Variants in ALPK2 observed in about 807,000 individuals in gnomAD.
ALPK2 encodes alpha-protein kinase 2.
A neutral mutation model predicts 163.1 loss-of-function variants in ALPK2; 127 were observed. The observed-to-expected ratio is 0.78, with a 90% CI of 0.67 to 0.90. ALPK2 has a LOEUF of 0.90. Ranked by LOEUF, ALPK2 falls within the 40% of genes least tolerant of loss-of-function variation. The pLI is 0.00. For missense variants in ALPK2, 2,360 were observed against 2,589.6 expected (o/e 0.91, Z 1.92); for synonymous variants, 953 against 959.1 (o/e 0.99, Z 0.12).
chr18:58,498,266 G>C (rs926824291), intron 11 of ALPK2, among the ~76,000 whole-genome samples, 169 bp from the exon 12 acceptor site: 1 of 152,172 alleles, frequency 6.6e-6, no homozygotes, highest in African/African-American at 2.4e-5. Context: ...CAGGGACCAT[G>C]GGGAAGGTGG....
intron 4 of ALPK2, among the ~76,000 whole-genome samples, chr18:58,559,572 C>T (rs920548184): frequency 6.6e-6 from 1 of 152,146 alleles, no homozygotes; most frequent in Non-Finnish European, 1.5e-5. Context: ...TTGGAAACTT[C>T]CTAAGAAGAA....
Position 58,515,032 on chromosome 18 carries a change from G to T in ALPK2, c.5990C>A (p.Ala1997Asp). Reference sequence around the variant, plus strand: ...AAAGCCTTCCAGAGGCTGTGCTTCAGCAGCGTAGATCTTGGCATAATACCT... The same window carrying T: ...AAAGCCTTCCAGAGGCTGTGCTTCATCAGCGTAGATCTTGGCATAATACCT... Reference protein sequence around the residue: ...TARYYAKIYAAEAQPLEGFGE... With the variant: ...TARYYAKIYADEAQPLEGFGE... The change falls in exon 10 of 13, where the codon GCT becomes GAT. Residue 1997 changes from alanine (A) to aspartate (D), a missense_variant. Coordinates refer to ENST00000361673, the MANE Select transcript of ALPK2 (RefSeq NM_052947.4). 1.2e-5 allele frequency: 19 copies of T among 1,612,980 alleles called. No individual in the cohort carries two copies. Among genetic ancestry groups the T allele is most frequent in the Non-Finnish European group, 1.6e-5 (19 of 1,179,408 alleles).
chr18:58,613,896 CT>C (rs1039082665), intron 1 of ALPK2, among the ~76,000 whole-genome samples: 2 of 152,104 alleles, frequency 1.3e-5, no homozygotes, highest in African/African-American at 4.8e-5. Flanking sequence ...ACTCCTGCTG[CT>C]TTGGAAGTTC....
intron 8 of ALPK2, among the ~76,000 whole-genome samples, chr18:58,517,767 A>G (rs565318318): frequency 5.3e-5 from 8 of 152,208 alleles, no homozygotes; most frequent in Admixed American, 1.3e-4. Flanking sequence ...CTTGGTAGCA[A>G]TACTGCCTCC....
intron 12 of ALPK2, among the ~76,000 whole-genome samples, chr18:58,483,152 C>T (rs577515759): frequency 6.6e-6 from 1 of 152,318 alleles, no homozygotes; most frequent in African/African-American, 2.4e-5. Flanking sequence ...CGCAGATGAG[C>T]TCCTTTGTCA....
At chr18:58,627,865 T>C (rs943861816) in intron 1 of ALPK2, among the ~76,000 whole-genome samples, 7 of 152,194 alleles carry the variant, frequency 4.6e-5, no homozygotes, top group Non-Finnish European at 7.3e-5. Flanking sequence ...TTAGTTGATA[T>C]AGAGTTATAA....
chr18:58,573,678 G>A (rs956372900), intron 4 of ALPK2, among the ~76,000 whole-genome samples: 3 of 148,004 alleles, frequency 2.0e-5, no homozygotes, highest in African/African-American at 7.6e-5. Flanking sequence ...CAGAGAGGGG[G>A]ATGTGGCAGG....
intron 4 of ALPK2, among the ~76,000 whole-genome samples, chr18:58,576,606 G>A (rs2051923210): frequency 6.6e-6 from 1 of 152,192 alleles, no homozygotes; most frequent in Non-Finnish European, 1.5e-5. Flanking sequence ...TCATATCTGT[G>A]ATGATAGTTA....
intron 5 of ALPK2, among the ~76,000 whole-genome samples, chr18:58,533,926 A>T (rs1310534135): frequency 6.6e-6 from 1 of 152,210 alleles, no homozygotes; most frequent in Non-Finnish European, 1.5e-5. Context: ...TCAGGTTAAG[A>T]GAGGAGAAAA....
At chr18:58,490,208 C>T (rs10782062) in intron 12 of ALPK2, among the ~76,000 whole-genome samples, 23,861 of 152,146 alleles carry the variant, frequency 0.16, 2,012 homozygotes, top group East Asian at 0.38. Context: ...CTTTTGAGGG[C>T]GGGGACGTGG....
chr18:58,610,962 C>T (rs1470131058), intron 2 of ALPK2, among the ~76,000 whole-genome samples: 6 of 151,732 alleles, frequency 4.0e-5, no homozygotes, highest in Admixed American at 2.0e-4. Flanking sequence ...GGTGTAGTGG[C>T]GGGTGCCTGT....
intron 1 of ALPK2, among the ~76,000 whole-genome samples, chr18:58,620,491 G>A (rs2052192714): frequency 6.6e-6 from 1 of 152,194 alleles, no homozygotes; most frequent in African/African-American, 2.4e-5. Context: ...AAGTAGATCA[G>A]TGGTGGTTGG....
chr18:58,601,808 C>A (rs1472804252), intron 3 of ALPK2, among the ~76,000 whole-genome samples: 4 of 152,192 alleles, frequency 2.6e-5, no homozygotes, highest in African/African-American at 9.7e-5. Flanking sequence ...AGCCCACAGA[C>A]CCATGATAAC....
chr18:58,547,735 G>C (rs2051725505), intron 4 of ALPK2, among the ~76,000 whole-genome samples: 1 of 152,144 alleles, frequency 6.6e-6, no homozygotes, highest in South Asian at 2.1e-4. Flanking sequence ...TTTCCGGGGG[G>C]TTTCAGACCC....
chr18:58,621,514 G>A (rs1418634576), intron 1 of ALPK2, among the ~76,000 whole-genome samples: 1 of 152,066 alleles, frequency 6.6e-6, no homozygotes, highest in Non-Finnish European at 1.5e-5. Context: ...ATCGTGATCC[G>A]CCCGCCTCGG....
rs577049042 is a variant in ALPK2 at position 58,512,868 on chromosome 18, A to G, written c.6029+2125T>C. 8.2e-3 allele frequency among the ~76,000 whole-genome samples: 683 copies of G among 83,568 alleles called. 5 individuals carry two copies. Among genetic ancestry groups the G allele is most frequent in the Middle Eastern group, 0.022 (2 of 90 alleles). The allele number at this position is 83,568 out of a possible 152,430, so 54.8% of individuals were successfully genotyped here. On this transcript the variant is annotated intron_variant, in intron 10 of 12. Transcript: ENST00000361673. ...ATGTGGTGTGTGTGTGGTGTGTTGT[A>G]TGTGTGGTGTGTGTGGGGGTGTGTA...
intron 4 of ALPK2, among the ~76,000 whole-genome samples, chr18:58,556,169 T>TCACACACACACACACA (rs33920285): frequency 0.039 from 5,797 of 149,040 alleles, 404 homozygotes; most frequent in African/African-American, 0.14. Flanking sequence ...GGACTAGATC[T>TCACACACACACACACA]CACACACACA....
intron 4 of ALPK2, among the ~76,000 whole-genome samples, chr18:58,570,017 C>A (rs1297708604): frequency 6.6e-6 from 1 of 151,982 alleles, no homozygotes; most frequent in Non-Finnish European, 1.5e-5. Flanking sequence ...GTAATCCCAG[C>A]TACTCGGAAG....
At chr18:58,613,708 A>AAAAAAT (rs1296907485) in intron 1 of ALPK2, among the ~76,000 whole-genome samples, 29 of 95,182 alleles carry the variant, frequency 3.0e-4, no homozygotes, top group African/African-American at 4.6e-4. Flanking sequence ...CAAAAAAAAA[A>AAAAAAT]AATAATAATA....
Sources: gnomAD v4.1 joint callset for allele counts (sites outside exome capture counted in the v4.1 genomes callset) on GRCh38, gnomAD v4.1.1 for gene constraint, MANE v1.5 for transcripts, NCBI Gene and HGNC (gene_info 2026-07-23, HGNC 2026-07-21) for gene names.